The following UNC13C variants were observed in gnomAD, a reference collection of about 807,000 sequenced individuals.
UNC13C encodes protein unc-13 homolog C.
In UNC13C, 174 loss-of-function variants were observed where a neutral mutation model predicts 245.4. The observed-to-expected ratio is 0.71, with a 90% CI of 0.63 to 0.80. UNC13C has a LOEUF of 0.80. Among genes scored for constraint, UNC13C ranks in the 30% least tolerant of loss-of-function variants. The pLI, the probability that UNC13C is intolerant of heterozygous loss-of-function variation, is 0.00. For missense variants in UNC13C, 2,829 were observed against 2,602.9 expected, an observed-to-expected ratio of 1.09 and a Z score of -1.89; for synonymous variants, 992 against 895.1, an observed-to-expected ratio of 1.11 and a Z score of -1.93.
intron 7 of UNC13C, among the ~76,000 whole-genome samples, chr15:54,245,456 C>T (rs886595557): frequency 1.3e-5 from 2 of 152,048 alleles, no homozygotes; most frequent in African/African-American, 4.8e-5. Context: ...CTTACATTCT[C>T]ACATAGATAG....
chr15:53,845,326 A>ATC, the UNC13C span, among the ~76,000 whole-genome samples: 1 of 146,622 alleles, frequency 6.8e-6, no homozygotes, highest in Non-Finnish European at 1.5e-5. Flanking sequence ...GTCTCTCAAA[A>ATC]AAAAAAAAAA....
chr15:54,412,158 A>T (rs968340047), intron 18 of UNC13C, among the ~76,000 whole-genome samples: 5 of 151,970 alleles, frequency 3.3e-5, no homozygotes, highest in Admixed American at 3.3e-4. Flanking sequence ...GTGAGCCAAG[A>T]TCGCACAACC....
Position 54,533,012 on chromosome 15 carries a change from C to T in UNC13C, c.5642C>T (p.Ala1881Val), listed in dbSNP as rs1225503454. The T allele has an allele frequency of 5.0e-6, 8 of 1,600,742 alleles. No homozygotes were observed. The highest frequency in any genetic ancestry group is 6.8e-6 in the Non-Finnish European group (8 of 1,172,996). ...AACACCACATCTAATAAGAACAGTGCAGCAATGGATGCAGAGATTGTGTTA... is the reference window on the plus strand; with the variant it reads ...AACACCACATCTAATAAGAACAGTGTAGCAATGGATGCAGAGATTGTGTTA... The part of the protein sequence containing the change: ...NGNTTSNKNS[A>V]AMDAEIVLRS... The change falls in exon 26 of 33, where the codon GCA becomes GTA. Residue 1881 changes from alanine (A) to valine (V), a missense_variant. By Grantham distance (64) the Ala-to-Val change is moderately conservative. Coordinates refer to ENST00000260323, the MANE Select transcript of UNC13C (RefSeq NM_001080534.3).
intron 4 of UNC13C, among the ~76,000 whole-genome samples, chr15:54,187,208 T>A (rs1050598181): frequency 6.6e-6 from 1 of 152,114 alleles, no homozygotes; most frequent in African/African-American, 2.4e-5. Flanking sequence ...ATATAATATC[T>A]CCTGAATCTC....
chr15:54,144,127 TTAACA>T (rs200809937), intron 4 of UNC13C, among the ~76,000 whole-genome samples: 2 of 152,170 alleles, frequency 1.3e-5, no homozygotes, highest in East Asian at 1.9e-4. Flanking sequence ...AGTATTACAC[TTAACA>T]TAAGTATCAA....
chr15:54,294,004 G>A lies in UNC13C; in HGVS notation c.3928G>A (p.Gly1310Arg). Residue 1310 changes from glycine (G) to arginine (R), a missense_variant, in exon 11 of 33, where the codon GGA (glycine) becomes AGA (arginine). Gly to Arg is a moderately radical substitution (Grantham distance 125). Coordinates refer to ENST00000260323, the MANE Select transcript of UNC13C (RefSeq NM_001080534.3). ...CAAAAAGGAGTCAGATGATTTTCTG[G>A]GACAAACAATTGTAGAAGTGAGGAC... is the stretch of plus-strand genomic sequence containing the variant. ...HFKKESDDFL[G>R]QTIVEVRTLS... 1 of 1,597,262 alleles carries A rather than the reference G, an allele frequency of 6.3e-7. No homozygotes were observed. The highest frequency in any genetic ancestry group is 8.5e-7 in the Non-Finnish European group (1 of 1,172,610).
At chr15:54,595,618 A>T (rs1486423910) in intron 30 of UNC13C, among the ~76,000 whole-genome samples, 1 of 152,168 alleles carries the variant, frequency 6.6e-6, no homozygotes, top group Non-Finnish European at 1.5e-5. Flanking sequence ...TAATTATGGA[A>T]TTTGTGATTA....
intron 8 of UNC13C, among the ~76,000 whole-genome samples, chr15:54,252,182 C>T (rs2036168312): frequency 6.6e-6 from 1 of 152,064 alleles, no homozygotes. Flanking sequence ...CATCTAAGAA[C>T]AAATGGCTTA....
intron 2 of UNC13C, among the ~76,000 whole-genome samples, chr15:54,063,772 T>G (rs1046606060): frequency 1.3e-5 from 2 of 152,178 alleles, no homozygotes; most frequent in Non-Finnish European, 2.9e-5. Context: ...CAAATCTTTT[T>G]GGTGCAGGAA....
At chr15:53,931,142 G>T in the UNC13C span, among the ~76,000 whole-genome samples, 175 of 152,008 alleles carry the variant, frequency 1.2e-3, 2 homozygotes, top group East Asian at 0.028. Context: ...TTATTTTATT[G>T]ATTTATTTAT....
At chr15:54,185,038 A>G (rs1000264927) in intron 4 of UNC13C, among the ~76,000 whole-genome samples, 5 of 152,040 alleles carry the variant, frequency 3.3e-5, no homozygotes, top group Non-Finnish European at 4.4e-5. Context: ...GCATTTTTTC[A>G]TGTGTTTTTT....
At chr15:53,866,060 A>C in the UNC13C span, among the ~76,000 whole-genome samples, 1 of 152,190 alleles carries the variant, frequency 6.6e-6, no homozygotes, top group African/African-American at 2.4e-5. Context: ...ACTTCTAAAA[A>C]CTCAGATTAA....
At chr15:54,439,108 C>T (rs542610420) in intron 19 of UNC13C, among the ~76,000 whole-genome samples, 10 of 151,992 alleles carry the variant, frequency 6.6e-5, no homozygotes, top group Non-Finnish European at 1.0e-4. Context: ...CTCAAATTAC[C>T]TATGTTCTGC....
intron 2 of UNC13C, among the ~76,000 whole-genome samples, chr15:54,080,113 G>A (rs947461129): frequency 4.0e-5 from 6 of 150,074 alleles, no homozygotes; most frequent in African/African-American, 1.5e-4. Context: ...TTTATGTAGT[G>A]AATTACACTT....
At chr15:54,611,281 T>C (rs1330278236) in intron 30 of UNC13C, among the ~76,000 whole-genome samples, 1 of 152,200 alleles carries the variant, frequency 6.6e-6, no homozygotes, top group African/African-American at 2.4e-5. Flanking sequence ...AAGCTTAGGA[T>C]TGAATTTAAA....
chr15:54,275,739 A>G (rs372896680), intron 10 of UNC13C, among the ~76,000 whole-genome samples: 1 of 152,136 alleles, frequency 6.6e-6, no homozygotes, highest in Admixed American at 6.5e-5. Context: ...AAAATGGTAA[A>G]CCACTTGGGA....
intron 19 of UNC13C, among the ~76,000 whole-genome samples, chr15:54,480,934 T>A (rs749319970): frequency 6.6e-6 from 1 of 152,178 alleles, no homozygotes; most frequent in African/African-American, 2.4e-5. Context: ...GCAGAGGGGA[T>A]GTCAGCAGGG....
intron 18 of UNC13C, among the ~76,000 whole-genome samples, chr15:54,393,605 TTGA>T (rs35574712): frequency 0.13 from 20,144 of 151,838 alleles, 1,584 homozygotes; most frequent in Middle Eastern, 0.2. Flanking sequence ...GATGTGCATA[TTGA>T]TTTAACAAAT....
chr15:54,027,881 G>A (rs72625709), intron 2 of UNC13C, among the ~76,000 whole-genome samples: 12,361 of 150,210 alleles, frequency 0.082, 649 homozygotes, highest in Middle Eastern at 0.15. Context: ...GTAGTGCTCT[G>A]TGTGCTACCA....
Sources: allele counts gnomAD v4.1 joint callset (sites outside exome capture counted in the v4.1 genomes callset), GRCh38; gene constraint gnomAD v4.1.1; transcripts MANE v1.5; gene names NCBI Gene and HGNC (gene_info 2026-07-23, HGNC 2026-07-21).